RBFOX1: variants seen among roughly 807,000 people sequenced by gnomAD.
RBFOX1 encodes the protein RNA binding fox-1 homolog 1.
A neutral mutation model predicts 57.7 loss-of-function variants in RBFOX1; 8 were observed. The ratio of observed to expected loss-of-function variants is 0.14; its 90% CI spans 0.08 to 0.25. RBFOX1 has a LOEUF of 0.25. Ranked by LOEUF, RBFOX1 falls within the 10% of genes least tolerant of loss-of-function variation. The pLI, the probability that RBFOX1 is intolerant of heterozygous loss-of-function variation, is 1.00. For missense variants in RBFOX1, 611 were observed against 548.5 expected (o/e 1.11, Z -1.14); for synonymous variants, 326 against 222.4 (o/e 1.47, Z -4.15).
At chr16:7,253,196 C>G (rs989856444) in intron 4 of RBFOX1, among the ~76,000 whole-genome samples, 11 of 152,182 alleles carry the variant, frequency 7.2e-5, no homozygotes, top group African/African-American at 4.8e-5. Context: ...GAAGCAGAGA[C>G]CAAGACAAAA....
chr16:5,620,620 C>A (rs1015403244), intron 3 of RBFOX1, among the ~76,000 whole-genome samples: 1 of 152,160 alleles, frequency 6.6e-6, no homozygotes, highest in African/African-American at 2.4e-5. Flanking sequence ...ATCCTCACCT[C>A]TTCCCATAAG....
chr16:7,549,185 C>T (rs998704640), intron 5 of RBFOX1, among the ~76,000 whole-genome samples: 1 of 152,204 alleles, frequency 6.6e-6, no homozygotes, highest in South Asian at 2.1e-4. Flanking sequence ...GTGGGAAACA[C>T]CCTCGAAATA....
intron 4 of RBFOX1, among the ~76,000 whole-genome samples, chr16:5,908,990 G>T (rs1025873268): frequency 7.2e-5 from 11 of 151,878 alleles, no homozygotes; most frequent in Non-Finnish European, 1.2e-4. Context: ...CTTGATCTTG[G>T]GCTTCCATCC....
chr16:7,129,855 TGC>T (rs1406672051), intron 4 of RBFOX1, among the ~76,000 whole-genome samples: 1 of 130,296 alleles, frequency 7.7e-6, no homozygotes, highest in African/African-American at 2.8e-5. Flanking sequence ...GGTGGGTGGG[TGC>T]ATGGATAGAT....
chr16:5,414,968 A>C lies in RBFOX1; in HGVS notation c.220-52248A>C, dbSNP rs113723112. 8.5e-3 allele frequency among the ~76,000 whole-genome samples: 1,301 copies of C among 152,268 alleles called. 9 individuals carry two copies. Among genetic ancestry groups the C allele is most frequent in the Middle Eastern group, 0.017 (5 of 294 alleles). The stretch of plus-strand genomic sequence containing the variant: ...TTGGTGGAGGCTTTTGTGCTTTTTC[A>C]TAACTTATAGTTTTTGTGTGTTTTC... On this transcript the variant is annotated intron_variant, in intron 1 of 2. Transcript: ENST00000585867.
intron 3 of RBFOX1, among the ~76,000 whole-genome samples, chr16:7,020,464 C>A (rs369311322): frequency 1.2e-4 from 19 of 152,266 alleles, no homozygotes; most frequent in African/African-American, 4.6e-4. Flanking sequence ...TGTCATCCAC[C>A]TGCCTCAACC....
intron 5 of RBFOX1, among the ~76,000 whole-genome samples, chr16:7,538,855 AC>A (rs2082176674): frequency 2.7e-5 from 1 of 36,914 alleles, no homozygotes; most frequent in Admixed American, 2.9e-4. Context: ...CCGCACCCCC[AC>A]CCCCACCCCG....
chr16:7,595,059 A>T (rs2094617058), intron 7 of RBFOX1, among the ~76,000 whole-genome samples: 1 of 152,212 alleles, frequency 6.6e-6, no homozygotes, highest in Non-Finnish European at 1.5e-5. Context: ...CTGCATGAAG[A>T]AGAGATGTTC....
At chr16:6,300,675 C>T (rs1207724019) in intron 1 of RBFOX1, among the ~76,000 whole-genome samples, 1 of 152,186 alleles carries the variant, frequency 6.6e-6, no homozygotes, top group Admixed American at 6.5e-5. Context: ...CTGATTCCCT[C>T]ATATGGCATG....
chr16:7,150,856 G>T (rs906469610), intron 4 of RBFOX1, among the ~76,000 whole-genome samples: 1 of 152,122 alleles, frequency 6.6e-6, no homozygotes, highest in African/African-American at 2.4e-5. Context: ...TTAATGATGT[G>T]CCTGCTTACA....
intron 1 of RBFOX1, among the ~76,000 whole-genome samples, chr16:5,288,840 A>G (rs538024132): frequency 6.6e-6 from 1 of 152,022 alleles, no homozygotes. Context: ...CATAAAACTC[A>G]TATAGGCTGG....
intron 3 of RBFOX1, among the ~76,000 whole-genome samples, chr16:6,733,019 A>T (rs2154175425): frequency 1.3e-5 from 2 of 152,348 alleles, no homozygotes; most frequent in African/African-American, 4.8e-5. Flanking sequence ...AAGGTTAGGT[A>T]CATAGTCTTT....
chr16:7,275,235 A>T (rs2095418018), intron 4 of RBFOX1, among the ~76,000 whole-genome samples: 1 of 152,200 alleles, frequency 6.6e-6, no homozygotes, highest in Non-Finnish European at 1.5e-5. Flanking sequence ...CTCATTCAAA[A>T]ATAGCATTGT....
intron 1 of RBFOX1, among the ~76,000 whole-genome samples, chr16:6,303,083 C>A (rs576060854): frequency 1.3e-5 from 2 of 152,146 alleles, no homozygotes; most frequent in Admixed American, 1.3e-4. Flanking sequence ...TTGCCTTGAT[C>A]GTTTTACTAT....
chr16:6,331,291 C>T (rs1032805265), intron 2 of RBFOX1, among the ~76,000 whole-genome samples: 1 of 151,908 alleles, frequency 6.6e-6, no homozygotes, highest in Non-Finnish European at 1.5e-5. Context: ...AATAAAAGTA[C>T]AAAAAATTAG....
chr16:6,676,866 G>T (rs551208836), intron 3 of RBFOX1, among the ~76,000 whole-genome samples: 1 of 151,670 alleles, frequency 6.6e-6, no homozygotes, highest in African/African-American at 2.4e-5. Flanking sequence ...AGTAGAGACG[G>T]GGTTTCACCA....
At chr16:7,082,629 T>A (rs2059380324) in intron 4 of RBFOX1, among the ~76,000 whole-genome samples, 1 of 152,174 alleles carries the variant, frequency 6.6e-6, no homozygotes, top group Non-Finnish European at 1.5e-5. Flanking sequence ...TATCAAGTCA[T>A]TTTTCACATT....
rs539882431 is a variant in RBFOX1 at position 5,271,918 on chromosome 16, A to G, written c.219+31813A>G. Among the ~76,000 whole-genome samples, 417 of 152,314 alleles carry G rather than the reference A, an allele frequency of 2.7e-3. 2 individuals are homozygous for G. Among genetic ancestry groups the G allele is most frequent in the African/African-American group, 9.5e-3 (395 of 41,552 alleles). ...TTCAAGTTCGTCTATGTTGTTGAAAATGACAGGATTTCTTTCTTTTTTAAG... is the reference window on the plus strand; with the variant it reads ...TTCAAGTTCGTCTATGTTGTTGAAAGTGACAGGATTTCTTTCTTTTTTAAG... On this transcript the variant is annotated intron_variant, in intron 1 of 2. Transcript: ENST00000585867.
chr16:6,923,134 A>C (rs2074847548), intron 3 of RBFOX1, among the ~76,000 whole-genome samples: 1 of 152,184 alleles, frequency 6.6e-6, no homozygotes, highest in Non-Finnish European at 1.5e-5. Flanking sequence ...GGAGATAGGA[A>C]AGCAGCTGGT....
Sources: allele counts gnomAD v4.1 joint callset (sites outside exome capture counted in the v4.1 genomes callset), GRCh38; gene constraint gnomAD v4.1.1; transcripts MANE v1.5; gene names NCBI Gene and HGNC (gene_info 2026-07-23, HGNC 2026-07-21).